ARNT2: variants seen among roughly 807,000 people sequenced by gnomAD.
The protein encoded by ARNT2 is ARNT protein 2.
ARNT2 carries 36 observed loss-of-function variants against 91.7 expected under a neutral mutation model. The ratio of observed to expected loss-of-function variants is 0.39; its 90% CI spans 0.30 to 0.52. The LOEUF (loss-of-function observed/expected upper bound fraction) is 0.52. ARNT2 is among the 20% of genes least tolerant of loss of function. The pLI is 0.72. For synonymous variants in ARNT2, 365 were observed against 347.1 expected (o/e 1.05, Z -0.57); for missense variants, 775 against 939.3 (o/e 0.83, Z 2.29).
At chr15:80,441,425 AAG>A (rs1481676383) in intron 1 of ARNT2, 2 of 977,164 alleles carry the variant, frequency 2.0e-6, no homozygotes, top group Admixed American at 6.2e-5. Flanking sequence ...GAATTGTTCT[AAG>A]AGAGATGAAT....
chr15:80,421,701 T>C (rs1235487339), intron 1 of ARNT2, among the ~76,000 whole-genome samples: 1 of 152,152 alleles, frequency 6.6e-6, no homozygotes, highest in African/African-American at 2.4e-5. Flanking sequence ...AAACATTCAG[T>C]CTCATCATTT....
intron 1 of ARNT2, among the ~76,000 whole-genome samples, chr15:80,423,414 G>A (rs1370925573): frequency 6.6e-6 from 1 of 152,052 alleles, no homozygotes; most frequent in Non-Finnish European, 1.5e-5. Context: ...CACTGGGAAC[G>A]CTCACTATGT....
Position 80,591,762 on chromosome 15 carries a change from T to TC in ARNT2, c.2055+63dup. The TC allele has an allele frequency of 6.2e-7, 1 of 1,602,022 alleles. No homozygotes were observed. Among genetic ancestry groups the TC allele is most frequent in the South Asian group, 1.1e-5 (1 of 89,824 alleles). On this transcript the variant is annotated intron_variant, in intron 18 of 18. Transcript: ENST00000303329. The surrounding 1 kb of genome is among the most constrained non-coding windows in gnomAD (Gnocchi z 5.1). ...ACCGGCGCCTTCTCTCTGCTTCCTT[T>TC]CCCCCTCGGTCTCTGCCGCACCACC... is the stretch of plus-strand genomic sequence containing the variant.
chr15:80,457,870 G>A, intron 2 of ARNT2, 59 bp from the exon 3 acceptor site: 2 of 1,582,866 alleles, frequency 1.3e-6, no homozygotes. Flanking sequence ...AGCAGCTCCT[G>A]TTACCAGTTA....
intron 5 of ARNT2, among the ~76,000 whole-genome samples, chr15:80,507,943 C>T (rs1262636834): frequency 1.3e-5 from 2 of 152,194 alleles, no homozygotes; most frequent in African/African-American, 2.4e-5. Context: ...GTGTAGACGG[C>T]TCTGAAGAAA....
chr15:80,454,011 G>A (rs1206375661), intron 2 of ARNT2, among the ~76,000 whole-genome samples: 1 of 152,176 alleles, frequency 6.6e-6, no homozygotes, highest in Non-Finnish European at 1.5e-5. Flanking sequence ...GCCTCCCGCC[G>A]GGCCTAGCAC....
chr15:80,531,846 C>T (rs920684552), intron 8 of ARNT2, among the ~76,000 whole-genome samples: 5 of 152,174 alleles, frequency 3.3e-5, no homozygotes, highest in Non-Finnish European at 5.9e-5. Flanking sequence ...CCTGAAGCTC[C>T]GTGAGGTTCT....
chr15:80,470,506 G>A, intron 4 of ARNT2, 75 bp downstream of exon 4: 1 of 1,498,496 alleles, frequency 6.7e-7, no homozygotes, highest in Non-Finnish European at 9.1e-7. Context: ...AACTACGTGG[G>A]GAACCAGGGC....
intron 8 of ARNT2, among the ~76,000 whole-genome samples, chr15:80,516,407 A>C (rs1897435431): frequency 6.6e-6 from 1 of 152,076 alleles, no homozygotes; most frequent in Admixed American, 6.6e-5. Flanking sequence ...TTATATTTTC[A>C]AAGAAAAGTG....
At chr15:80,494,652 G>A (rs764671544) in intron 5 of ARNT2, among the ~76,000 whole-genome samples, 4 of 152,144 alleles carry the variant, frequency 2.6e-5, no homozygotes, top group Admixed American at 1.3e-4. Flanking sequence ...CACAGCAGGC[G>A]GTGGCCCATG....
At chr15:80,528,082 G>A (rs1350032932) in intron 8 of ARNT2, among the ~76,000 whole-genome samples, 1 of 152,208 alleles carries the variant, frequency 6.6e-6, no homozygotes, top group African/African-American at 2.4e-5. Flanking sequence ...AACCCATGGA[G>A]AAGCTGTGAG....
At chr15:80,463,178 A>G (rs1300068086) in intron 3 of ARNT2, among the ~76,000 whole-genome samples, 1 of 152,232 alleles carries the variant, frequency 6.6e-6, no homozygotes, top group Non-Finnish European at 1.5e-5. Flanking sequence ...TTTCCAAGGC[A>G]GAGAGGATGA....
At chr15:80,585,251 A>G (rs1402681850) in intron 17 of ARNT2, among the ~76,000 whole-genome samples, 1 of 152,222 alleles carries the variant, frequency 6.6e-6, no homozygotes, top group Admixed American at 6.5e-5. Context: ...AGCATCCACT[A>G]GGAAACTACA....
chr15:80,462,009 G>A (rs962188542), intron 3 of ARNT2, among the ~76,000 whole-genome samples: 4 of 152,114 alleles, frequency 2.6e-5, no homozygotes, highest in Admixed American at 6.5e-5. Context: ...TAGTGGTGCC[G>A]CACCCTCCTA....
chr15:80,469,964 G>A (rs930281524), intron 3 of ARNT2, among the ~76,000 whole-genome samples: 1 of 152,188 alleles, frequency 6.6e-6, no homozygotes, highest in Non-Finnish European at 1.5e-5. Context: ...GCATATGGGA[G>A]TAATTAGAAG....
intron 17 of ARNT2, among the ~76,000 whole-genome samples, chr15:80,589,197 T>G (rs1014447990): frequency 2.0e-5 from 3 of 152,046 alleles, no homozygotes. Context: ...GTCCTAGAAG[T>G]CAACAAGATA....
intron 5 of ARNT2, among the ~76,000 whole-genome samples, chr15:80,489,101 C>T (rs939136034): frequency 1.3e-5 from 2 of 152,220 alleles, no homozygotes; most frequent in Non-Finnish European, 2.9e-5. Context: ...TTTCAGTAAT[C>T]ATCTCACGTG....
intron 1 of ARNT2, among the ~76,000 whole-genome samples, chr15:80,408,076 G>A (rs1480425103): frequency 6.6e-6 from 1 of 151,966 alleles, no homozygotes; most frequent in Non-Finnish European, 1.5e-5. Flanking sequence ...ATCAATTATT[G>A]GATTTTTTCC....
intron 5 of ARNT2, among the ~76,000 whole-genome samples, chr15:80,497,271 A>G (rs1897135788): frequency 6.6e-6 from 1 of 152,258 alleles, no homozygotes; most frequent in African/African-American, 2.4e-5. Context: ...AAAGGAGAAA[A>G]TTGTATCTGG....
Sources: allele counts gnomAD v4.1 joint callset (sites outside exome capture counted in the v4.1 genomes callset), GRCh38; gene constraint gnomAD v4.1.1; non-coding constraint Gnocchi (gnomAD v3.1); transcripts MANE v1.5; gene names NCBI Gene and HGNC (gene_info 2026-07-23, HGNC 2026-07-21).